Variants in RIT2 observed in about 807,000 individuals in gnomAD.
RIT2 encodes Ras like without CAAX 2.
In RIT2, 24 loss-of-function variants were observed where a neutral mutation model predicts 23.7. The ratio of observed to expected loss-of-function variants is 1.01; its 90% CI spans 0.73 to 1.43. RIT2 has a LOEUF of 1.43. Ranked by LOEUF, RIT2 falls within the 40% of genes most tolerant of loss-of-function variation. The probability of loss-of-function intolerance (pLI) is 0.00; values close to 1 mark genes in which losing one functional copy is unlikely to be tolerated. For missense variants in RIT2, 236 were observed against 266.9 expected (o/e 0.88, Z 0.81); for synonymous variants, 107 against 91.1 (o/e 1.17, Z -0.99).
chr18:43,091,280 G>T (rs1207850355), intron 1 of RIT2, among the ~76,000 whole-genome samples: 1 of 152,022 alleles, frequency 6.6e-6, no homozygotes, highest in East Asian at 1.9e-4. Flanking sequence ...TGTCCCCACA[G>T]TGTTTATACA....
At chr18:42,753,813 G>A (rs1348114109) in intron 4 of RIT2, among the ~76,000 whole-genome samples, 3 of 152,104 alleles carry the variant, frequency 2.0e-5, no homozygotes, top group Non-Finnish European at 4.4e-5. Context: ...TCTAGTGAAA[G>A]TGCTTTTGAT....
At chr18:42,756,228 C>T (rs1345829062) in intron 4 of RIT2, among the ~76,000 whole-genome samples, 2 of 152,098 alleles carry the variant, frequency 1.3e-5, no homozygotes, top group Admixed American at 6.6e-5. Flanking sequence ...TTCTTGAGCG[C>T]CTACTCTGGA....
In RIT2 at chr18:42,809,801, T is replaced by C. The variant is rs966383862; in HGVS notation, c.427-66081A>G. 2.0e-5 allele frequency among the ~76,000 whole-genome samples: 3 copies of C among 146,648 alleles called. No homozygotes were observed. In the South Asian group the frequency reaches 6.3e-4, roughly 31 times the overall value. ...GATAAATATCCCAAGTAAACTGATT[T>C]GATCTTTATAACTTATATATATAAT... On this transcript the variant is annotated intron_variant, in intron 4 of 4. Coordinates refer to ENST00000326695, the MANE Select transcript of RIT2 (RefSeq NM_002930.4).
chr18:43,047,651 AAT>A (rs1412935549), intron 1 of RIT2, among the ~76,000 whole-genome samples: 1 of 152,122 alleles, frequency 6.6e-6, no homozygotes. Flanking sequence ...GGAGTCTACA[AAT>A]GAGAAGAGTA....
intron 2 of RIT2, among the ~76,000 whole-genome samples, chr18:42,987,580 C>T (rs1910740427): frequency 6.6e-6 from 1 of 152,198 alleles, no homozygotes; most frequent in African/African-American, 2.4e-5. Context: ...TAGAGTTACA[C>T]ATGTGTGGGA....
At chr18:42,792,645 A>G (rs1315549878) in intron 4 of RIT2, among the ~76,000 whole-genome samples, 2 of 152,192 alleles carry the variant, frequency 1.3e-5, no homozygotes. Flanking sequence ...AACGATAAGG[A>G]ATGTATAGAT....
intron 4 of RIT2, among the ~76,000 whole-genome samples, chr18:42,766,091 C>T (rs1010577041): frequency 6.6e-6 from 1 of 152,086 alleles, no homozygotes; most frequent in Non-Finnish European, 1.5e-5. Flanking sequence ...TGAAAACGAA[C>T]TAATACAGTA....
chr18:42,915,570 C>T (rs1000883333), intron 4 of RIT2, among the ~76,000 whole-genome samples: 1 of 151,936 alleles, frequency 6.6e-6, no homozygotes, highest in African/African-American at 2.4e-5. Context: ...GAAAACCAAA[C>T]AATTCAGTGT....
At chr18:43,079,825 A>G (rs1046283467) in intron 1 of RIT2, among the ~76,000 whole-genome samples, 3 of 152,166 alleles carry the variant, frequency 2.0e-5, no homozygotes, top group Non-Finnish European at 4.4e-5. Flanking sequence ...TCCCCTACAA[A>G]GAAAAGGAAG....
intron 4 of RIT2, among the ~76,000 whole-genome samples, chr18:42,829,678 C>T (rs897399878): frequency 1.3e-5 from 2 of 151,946 alleles, no homozygotes; most frequent in Non-Finnish European, 2.9e-5. Flanking sequence ...TAATCAAACT[C>T]AAAGAAACTT....
intron 1 of RIT2, among the ~76,000 whole-genome samples, chr18:43,085,950 G>A (rs1385087152): frequency 6.6e-6 from 1 of 152,106 alleles, no homozygotes; most frequent in Non-Finnish European, 1.5e-5. Flanking sequence ...CATAGATTTT[G>A]CCTTCTACCA....
chr18:42,795,736 G>A (rs940649632), intron 4 of RIT2, among the ~76,000 whole-genome samples: 1 of 152,228 alleles, frequency 6.6e-6, no homozygotes, highest in African/African-American at 2.4e-5. Context: ...CTAGCTCAGG[G>A]ATTGTAAATA....
chr18:42,952,293 C>T (rs1216077960), intron 3 of RIT2, among the ~76,000 whole-genome samples: 1 of 152,022 alleles, frequency 6.6e-6, no homozygotes. Flanking sequence ...AGAACAAATA[C>T]CATATGATAC....
At chr18:42,862,166 T>C (rs1907344980) in intron 4 of RIT2, among the ~76,000 whole-genome samples, 1 of 152,150 alleles carries the variant, frequency 6.6e-6, no homozygotes, top group Non-Finnish European at 1.5e-5. Flanking sequence ...TGGTGAGAGA[T>C]GATTGGATCA....
intron 4 of RIT2, among the ~76,000 whole-genome samples, chr18:42,776,270 C>T (rs576236118): frequency 5.6e-4 from 85 of 152,292 alleles, no homozygotes; most frequent in South Asian, 3.5e-3. Context: ...TAGATTCATT[C>T]ATTCACTTAT....
intron 3 of RIT2, among the ~76,000 whole-genome samples, chr18:42,935,197 A>G (rs561683708): frequency 1.3e-5 from 2 of 152,044 alleles, no homozygotes; most frequent in Non-Finnish European, 2.9e-5. Flanking sequence ...TAAGGAAGAT[A>G]CAAGGTCTAA....
chr18:42,791,691 A>T (rs1245045639), intron 4 of RIT2, among the ~76,000 whole-genome samples: 1 of 152,178 alleles, frequency 6.6e-6, no homozygotes, highest in Non-Finnish European at 1.5e-5. Context: ...TATTGTTTTA[A>T]TCCATTTTTG....
At chr18:42,842,368 G>C (rs1598678301) in intron 4 of RIT2, among the ~76,000 whole-genome samples, 1 of 152,052 alleles carries the variant, frequency 6.6e-6, no homozygotes, top group East Asian at 1.9e-4. Flanking sequence ...AAATTACCTG[G>C]TCAGAAATAG....
At chr18:42,986,196 C>T (rs140921377) in intron 2 of RIT2, among the ~76,000 whole-genome samples, 7 of 151,632 alleles carry the variant, frequency 4.6e-5, no homozygotes, top group South Asian at 2.1e-4. Flanking sequence ...CCCACCACCA[C>T]GCCTGGCTAA....
Sources: allele counts gnomAD v4.1 joint callset (sites outside exome capture counted in the v4.1 genomes callset), GRCh38; gene constraint gnomAD v4.1.1; transcripts MANE v1.5; gene names NCBI Gene and HGNC (gene_info 2026-07-23, HGNC 2026-07-21).